The following MGAT4C variants were observed in gnomAD, a reference collection of about 807,000 sequenced individuals.
The protein encoded by MGAT4C is alpha-1,3-mannosyl-glycoprotein 4-beta-N-acetylglucosaminyltransferase C.
A neutral mutation model predicts 40.1 loss-of-function variants in MGAT4C; 19 were observed. The observed-to-expected ratio is 0.47, with a 90% CI of 0.33 to 0.70. The LOEUF (loss-of-function observed/expected upper bound fraction) is 0.70. MGAT4C is among the 30% of genes least tolerant of loss of function. The pLI is 0.02. For missense variants in MGAT4C, 491 were observed against 563.2 expected (o/e 0.87, Z 1.30); for synonymous variants, 181 against 187.1 (o/e 0.97, Z 0.27).
At chr12:86,269,361 A>AT (rs1262975671) in intron 4 of MGAT4C, among the ~76,000 whole-genome samples, 159 of 149,826 alleles carry the variant, frequency 1.1e-3, no homozygotes, top group Non-Finnish European at 1.4e-3. Flanking sequence ...AGTAAAGTTT[A>AT]TTTTTTTTTC....
At chr12:85,993,383 C>G (rs1221317547) in intron 2 of MGAT4C, among the ~76,000 whole-genome samples, 1 of 152,122 alleles carries the variant, frequency 6.6e-6, no homozygotes, top group Non-Finnish European at 1.5e-5. Flanking sequence ...ACAAAATGAG[C>G]CCCTCATGAT....
intron 2 of MGAT4C, among the ~76,000 whole-genome samples, chr12:86,540,037 T>A (rs1358967297): frequency 2.0e-5 from 3 of 152,236 alleles, no homozygotes; most frequent in Non-Finnish European, 4.4e-5. Flanking sequence ...TAGATCCCAT[T>A]TGTCAATGTT....
chr12:86,123,149 G>A (rs895146503), intron 1 of MGAT4C, among the ~76,000 whole-genome samples: 2 of 152,116 alleles, frequency 1.3e-5, no homozygotes, highest in African/African-American at 2.4e-5. Flanking sequence ...GGCCACTCAA[G>A]ATTTCTTTGT....
At chr12:86,523,141 G>A (rs1172812709) in intron 2 of MGAT4C, among the ~76,000 whole-genome samples, 1 of 151,748 alleles carries the variant, frequency 6.6e-6, no homozygotes, top group Admixed American at 6.6e-5. Flanking sequence ...CTAGTTTTGT[G>A]TGTGATGTTG....
At chr12:85,999,647 TGAATACTATTTAGCCATAAAATAGAATG>T (rs1887076919) in intron 2 of MGAT4C, among the ~76,000 whole-genome samples, 2 of 151,072 alleles carry the variant, frequency 1.3e-5, no homozygotes, top group Admixed American at 6.6e-5. Flanking sequence ...TAAAATAGAA[TGAATACTATTTAGCCATAAAATAGAATG>T]GAATACTATT....
intron 2 of MGAT4C, among the ~76,000 whole-genome samples, chr12:86,635,565 T>C (rs1365471384): frequency 2.0e-5 from 3 of 152,074 alleles, no homozygotes; most frequent in Non-Finnish European, 4.4e-5. Flanking sequence ...ATGTGTCACA[T>C]AATTATGTTT....
intron 4 of MGAT4C, among the ~76,000 whole-genome samples, chr12:86,262,157 G>A (rs534846023): frequency 2.0e-5 from 3 of 151,930 alleles, no homozygotes; most frequent in Admixed American, 6.6e-5. Context: ...CTTCTCCATC[G>A]CAAATGACAA....
chr12:86,244,550 A>G (rs1951935734), intron 1 of MGAT4C, among the ~76,000 whole-genome samples: 1 of 152,230 alleles, frequency 6.6e-6, no homozygotes, highest in Non-Finnish European at 1.5e-5. Flanking sequence ...ATCAGCATTT[A>G]ATGAGCTTCT....
At chr12:86,332,350 C>G (rs2897275) in intron 4 of MGAT4C, among the ~76,000 whole-genome samples, 14,520 of 151,710 alleles carry the variant, frequency 0.096, 1,689 homozygotes, top group East Asian at 0.29. Context: ...GTTTTACACA[C>G]TCCATCATGA....
intron 3 of MGAT4C, among the ~76,000 whole-genome samples, chr12:86,340,510 A>G (rs1954885596): frequency 6.6e-6 from 1 of 152,112 alleles, no homozygotes; most frequent in Non-Finnish European, 1.5e-5. Flanking sequence ...GGAAACCATA[A>G]AGATTCTATA....
chr12:86,262,089 C>T (rs1255048275), intron 4 of MGAT4C, among the ~76,000 whole-genome samples: 1 of 152,058 alleles, frequency 6.6e-6, no homozygotes, highest in Non-Finnish European at 1.5e-5. Flanking sequence ...ATGATCTGAC[C>T]ACAATCTCTC....
At chr12:86,151,310 G>GA (rs11399448) in intron 1 of MGAT4C, among the ~76,000 whole-genome samples, 93,918 of 150,294 alleles carry the variant, frequency 0.62, 29,775 homozygotes, top group South Asian at 0.73. Flanking sequence ...ACACACAGCG[G>GA]AAAAAAAAAA....
At chr12:86,695,243 G>C (rs956407160) in intron 2 of MGAT4C, among the ~76,000 whole-genome samples, 3 of 152,102 alleles carry the variant, frequency 2.0e-5, no homozygotes, top group Non-Finnish European at 4.4e-5. Flanking sequence ...GGTTAAAATG[G>C]CTTTTGTCCA....
chr12:86,384,052 A>G (rs970685281), intron 3 of MGAT4C, among the ~76,000 whole-genome samples: 2 of 152,166 alleles, frequency 1.3e-5, no homozygotes, highest in African/African-American at 4.8e-5. Context: ...TTTTAAAAAC[A>G]GAAGTCTCCC....
At chr12:85,986,922 A>C (rs1016932384) in intron 3 of MGAT4C, among the ~76,000 whole-genome samples, 32 of 152,172 alleles carry the variant, frequency 2.1e-4, no homozygotes, top group African/African-American at 7.7e-4. Flanking sequence ...AATCATTGAA[A>C]AAGTTTTCAA....
chr12:86,057,071 T>G (rs896849003), intron 1 of MGAT4C, among the ~76,000 whole-genome samples: 5 of 152,112 alleles, frequency 3.3e-5, no homozygotes, highest in Non-Finnish European at 5.9e-5. Flanking sequence ...TTATATTAAT[T>G]TTATTTAAAA....
intron 1 of MGAT4C, among the ~76,000 whole-genome samples, chr12:86,789,241 C>T (rs1020136720): frequency 5.3e-5 from 8 of 152,060 alleles, no homozygotes; most frequent in Non-Finnish European, 1.2e-4. Flanking sequence ...AAATTCTGTG[C>T]TGAACACTGT....
At chr12:86,679,517 C>T (rs1949940753) in intron 2 of MGAT4C, among the ~76,000 whole-genome samples, 2 of 151,936 alleles carry the variant, frequency 1.3e-5, no homozygotes, top group Non-Finnish European at 2.9e-5. Flanking sequence ...TCTTTAGGGA[C>T]TGCAATAGTT....
At chr12:86,288,794 A>G (rs1953424965) in intron 4 of MGAT4C, among the ~76,000 whole-genome samples, 1 of 151,990 alleles carries the variant, frequency 6.6e-6, no homozygotes, top group African/African-American at 2.4e-5. Flanking sequence ...TAAGCTCCTT[A>G]GAGATTCCAG....
Sources: allele counts gnomAD v4.1 joint callset (sites outside exome capture counted in the v4.1 genomes callset), GRCh38; gene constraint gnomAD v4.1.1; transcripts MANE v1.5; gene names NCBI Gene and HGNC (gene_info 2026-07-23, HGNC 2026-07-21).